Variants in C11orf58 observed in about 807,000 individuals in gnomAD.
C11orf58 encodes the protein chromosome 11 open reading frame 58.
A neutral mutation model predicts 22.7 loss-of-function variants in C11orf58; 5 were observed. The observed-to-expected ratio is 0.22, with a 90% confidence interval of 0.12 to 0.46. The LOEUF (loss-of-function observed/expected upper bound fraction) is 0.46. Ranked by LOEUF, C11orf58 falls within the 20% of genes least tolerant of loss-of-function variation. C11orf58 has a pLI of 0.99. For synonymous variants in C11orf58, 71 were observed against 70.7 expected (o/e 1.00, Z -0.02); for missense variants, 151 against 223.3 (o/e 0.68, Z 2.06).
In C11orf58 at chr11:16,755,992, A is replaced by G. The variant is rs1480609612; in HGVS notation, c.*888A>G. ...ATTCTCTTCATTTTATCCCAGTGCT[A>G]TTTTATTGATTAATTACTAAAAAGT... On this transcript the variant is annotated 3_prime_UTR_variant, in exon 5 of 5. Coordinates refer to ENST00000228136, the MANE Select transcript of C11orf58 (RefSeq NM_014267.6). 4 of 152,520 alleles carry G rather than the reference A, an allele frequency of 2.6e-5. No individual in the cohort carries two copies. Among genetic ancestry groups the G allele is most frequent in the Admixed American group, 2.0e-4 (3 of 15,274 alleles). The allele number at this position is 152,520 out of a possible 1,614,324, so 9.4% of individuals were successfully genotyped here. A position where few individuals can be genotyped will look rare whatever the true frequency, so the allele number is the denominator to read the frequency against.
intron 2 of C11orf58, 62 bp from the exon 3 acceptor site, chr11:16,748,035 A>T: frequency 7.9e-7 from 1 of 1,262,368 alleles, no homozygotes; most frequent in Non-Finnish European, 1.2e-6. Context: ...AGCACATAGT[A>T]GATACCCAAT....
chr11:16,743,471 ACT>A (rs1186897603), intron 1 of C11orf58, among the ~76,000 whole-genome samples: 1 of 152,084 alleles, frequency 6.6e-6, no homozygotes, highest in Non-Finnish European at 1.5e-5. Flanking sequence ...TCATCCAAAA[ACT>A]CATAGTCTGA....
At chr11:16,748,624 A>G (rs1035800498) in intron 3 of C11orf58, 1 of 151,708 alleles carries the variant, frequency 6.6e-6, no homozygotes, top group Non-Finnish European at 1.5e-5. Context: ...TCACACCTGT[A>G]ATCCCAGCTG....
chr11:16,741,291 T>A (rs1848446495), intron 1 of C11orf58, among the ~76,000 whole-genome samples: 1 of 152,082 alleles, frequency 6.6e-6, no homozygotes. Context: ...GCTAACAATG[T>A]AGGAGTAAAT....
intron 3 of C11orf58, 58 bp from the exon 4 acceptor site, chr11:16,752,727 G>T: frequency 8.0e-7 from 1 of 1,249,040 alleles, no homozygotes. Flanking sequence ...TGTATTATGG[G>T]TTTTTGTGTA....
rs1848475339 is a variant in C11orf58, at chr11:16,744,744, A to G, written c.147+60A>G. The G allele has an allele frequency of 6.2e-6, 9 of 1,452,394 alleles. No individual in the cohort carries two copies. The Admixed American group carries it at 1.5e-4, about 25-fold the overall frequency. The allele number at this position is 1,452,394 out of a possible 1,614,324, so 90.0% of individuals were successfully genotyped here. On this transcript the variant is annotated intron_variant, in intron 2 of 4. Transcript: ENST00000228136. ...TGTGAAAATATTGCCATTTTTATGT[A>G]TGCTAAGTAAGAAGGACTGAATATA...
chr11:16,738,818 C>G lies in C11orf58; in HGVS notation c.40C>G (p.Arg14Gly). 6.2e-7 allele frequency: 1 copy of G among 1,614,122 alleles called. No homozygotes were observed. The highest frequency in any genetic ancestry group is 8.5e-7 in the Non-Finnish European group (1 of 1,180,012). Reference protein sequence around the residue: ...ARESHPHGVKRSASPDDDLGS... With the variant: ...ARESHPHGVKGSASPDDDLGS... ...AGAGTCTCACCCGCATGGGGTGAAG[C>G]GTTCAGCCTCCCCAGACGACGATGT... Residue 14 changes from arginine (R) to glycine (G), a missense_variant, in exon 1 of 5, where the codon CGT (arginine) becomes GGT (glycine). Around this residue, in one of 3 missense-constraint regions of C11orf58, gnomAD observed 34 missense variants for 36.5 expected, o/e 0.93. Coordinates refer to ENST00000228136, the MANE Select transcript of C11orf58 (RefSeq NM_014267.6).
intron 1 of C11orf58, among the ~76,000 whole-genome samples, chr11:16,740,364 C>G (rs750145802): frequency 1.3e-5 from 2 of 152,094 alleles, no homozygotes; most frequent in African/African-American, 2.4e-5. Context: ...AAGACCTTTC[C>G]CAATCATATA....
rs1048585926 is a variant in C11orf58, at chr11:16,756,279, T to A, written c.*1175T>A. ...GAGTGTTGGATTTTTTTTTTTTTTT[T>A]TTTTTTTTGAGACGGAGTCTCATTC... is the stretch of plus-strand genomic sequence containing the variant. On this transcript the variant is annotated 3_prime_UTR_variant, in exon 5 of 5. Coordinates refer to ENST00000228136, the MANE Select transcript of C11orf58 (RefSeq NM_014267.6). 6.8e-6 allele frequency: 1 copy of A among 147,532 alleles called. No individual in the cohort carries two copies. Among genetic ancestry groups the A allele is most frequent in the African/African-American group, 2.5e-5 (1 of 39,712 alleles). The allele number at this position is 147,532 out of a possible 1,614,324, so 9.1% of individuals were successfully genotyped here.
chr11:16,745,056 A>G (rs1475146491), intron 2 of C11orf58, among the ~76,000 whole-genome samples: 1 of 152,186 alleles, frequency 6.6e-6, no homozygotes, highest in Non-Finnish European at 1.5e-5. Flanking sequence ...AAAGGCTGTC[A>G]TATTTTATAG....
intron 2 of C11orf58, 38 bp from the exon 3 acceptor site, chr11:16,748,059 T>G (rs755653410): frequency 2.7e-6 from 4 of 1,493,660 alleles, no homozygotes; most frequent in Admixed American, 1.7e-5. Context: ...GTTAAATTAG[T>G]GGTCTCAAAT....
intron 3 of C11orf58, chr11:16,752,020 C>T (rs1347386043): frequency 6.6e-6 from 1 of 152,224 alleles, no homozygotes; most frequent in Non-Finnish European, 1.5e-5. Flanking sequence ...CTTTGTGAAA[C>T]AGGGTTTTCT....
At position 16,755,229 on chromosome 11, in the gene C11orf58, A is replaced by G. The variant is rs1196825863; in HGVS notation, c.*125A>G. 1 of 1,166,218 alleles carries G rather than the reference A, an allele frequency of 8.6e-7. No homozygotes were observed. Among genetic ancestry groups the G allele is most frequent in the East Asian group, 2.4e-5 (1 of 42,236 alleles). The allele number at this position is 1,166,218 out of a possible 1,614,324, so 72.2% of individuals were successfully genotyped here. On this transcript the variant is annotated 3_prime_UTR_variant, in exon 5 of 5. Transcript: ENST00000228136. ...AAAAAGGCCCTTTTAAATAATTACA[A>G]AGAGTGTTTGCTTTCAAATGCCATG...
intron 2 of C11orf58, chr11:16,747,306 T>A (rs182105713): frequency 6.6e-6 from 1 of 152,240 alleles, no homozygotes; most frequent in Non-Finnish European, 1.5e-5. Context: ...TGCCATTTTT[T>A]CACAATAGGA....
intron 3 of C11orf58, 134 bp downstream of exon 3, chr11:16,748,291 G>A: frequency 1.5e-6 from 1 of 687,598 alleles, no homozygotes. Flanking sequence ...GCTGGGTGCA[G>A]TGGCTTAATG....
intron 1 of C11orf58, among the ~76,000 whole-genome samples, chr11:16,741,682 T>A (rs1848449640): frequency 6.6e-6 from 1 of 152,328 alleles, no homozygotes; most frequent in East Asian, 1.9e-4. Flanking sequence ...ACCTGAGCTC[T>A]GCCTCCTGTT....
intron 1 of C11orf58, among the ~76,000 whole-genome samples, chr11:16,741,984 C>G (rs1355248316): frequency 1.3e-5 from 2 of 152,204 alleles, no homozygotes; most frequent in Non-Finnish European, 2.9e-5. Context: ...CATCCTCCCT[C>G]TCAGTGGAAA....
intron 4 of C11orf58, among the ~76,000 whole-genome samples, 189 bp downstream of exon 4, chr11:16,753,083 T>C (rs1848546403): frequency 6.6e-6 from 1 of 152,160 alleles, no homozygotes; most frequent in South Asian, 2.1e-4. Flanking sequence ...CTAAGGATTT[T>C]GTGTGGGGTT....
chr11:16,751,617 T>C (rs201716382), intron 3 of C11orf58: 4 of 152,218 alleles, frequency 2.6e-5, no homozygotes. Flanking sequence ...CAGACTAGTA[T>C]TATGGGGGCC....
Sources: allele counts gnomAD v4.1 joint callset (sites outside exome capture counted in the v4.1 genomes callset), GRCh38; gene constraint gnomAD v4.1.1; regional missense constraint gnomAD v4.1.1; transcripts MANE v1.5; gene names NCBI Gene and HGNC (gene_info 2026-07-23, HGNC 2026-07-21).